TMCC1: variants seen among roughly 807,000 people sequenced by gnomAD.
TMCC1 encodes transmembrane and coiled-coil domain family 1.
TMCC1 carries 15 observed loss-of-function variants against 52.4 expected under a neutral mutation model. The ratio of observed to expected loss-of-function variants is 0.29; its 90% CI spans 0.19 to 0.44. TMCC1 has a LOEUF of 0.44. TMCC1 is among the 20% of genes least tolerant of loss of function. The pLI, the probability that TMCC1 is intolerant of heterozygous loss-of-function variation, is 1.00. For missense variants in TMCC1, 503 were observed against 806.0 expected (o/e 0.62, Z 4.55); for synonymous variants, 279 against 301.9 (o/e 0.92, Z 0.79).
intron 2 of TMCC1, among the ~76,000 whole-genome samples, chr3:129,866,092 C>T (rs1355490505): frequency 2.6e-5 from 4 of 151,858 alleles, no homozygotes; most frequent in Non-Finnish European, 5.9e-5. Flanking sequence ...AATACACCCA[C>T]TATTCTGGAT....
chr3:129,860,326 T>A (rs2060330735), intron 2 of TMCC1, among the ~76,000 whole-genome samples: 1 of 151,894 alleles, frequency 6.6e-6, no homozygotes, highest in Admixed American at 6.6e-5. Context: ...CACCTCAGCC[T>A]CCCAAAGTGC....
intron 5 of TMCC1, among the ~76,000 whole-genome samples, chr3:129,668,169 T>C (rs1378412172): frequency 6.6e-6 from 1 of 152,028 alleles, no homozygotes; most frequent in African/African-American, 2.4e-5. Flanking sequence ...GCATGGGCAA[T>C]AAAGTGAGAC....
chr3:129,768,065 T>C (rs952520329), intron 4 of TMCC1, among the ~76,000 whole-genome samples: 1 of 152,164 alleles, frequency 6.6e-6, no homozygotes, highest in Non-Finnish European at 1.5e-5. Context: ...GGTATGCATC[T>C]GTAGTCTCAG....
rs2046994484 is a variant in TMCC1 at position 129,691,015 on chromosome 3, C to T, written c.577-19751G>A. ...AAGTGGCAGTAGGACTTTAGTTTTGCTGATTTCCTTGTTCTCATTTGTTTC... is the reference window on the plus strand; with the variant it reads ...AAGTGGCAGTAGGACTTTAGTTTTGTTGATTTCCTTGTTCTCATTTGTTTC... On this transcript the variant is annotated intron_variant, in intron 4 of 6. Transcript: ENST00000393238. Among the ~76,000 whole-genome samples, 4 of 152,112 alleles carry T rather than the reference C, an allele frequency of 2.6e-5. No homozygotes were observed. The South Asian group carries it at 8.3e-4, about 32-fold the overall frequency.
chr3:129,684,482 T>C (rs2089257945), intron 4 of TMCC1, among the ~76,000 whole-genome samples: 1 of 152,142 alleles, frequency 6.6e-6, no homozygotes, highest in African/African-American at 2.4e-5. Flanking sequence ...TCTCCTGCAG[T>C]GTAGTCTCAA....
At chr3:129,765,894 G>A (rs1297570616) in intron 4 of TMCC1, among the ~76,000 whole-genome samples, 1 of 152,076 alleles carries the variant, frequency 6.6e-6, no homozygotes, top group African/African-American at 2.4e-5. Context: ...GTGGCGGAGG[G>A]AGGGAGGGAG....
At chr3:129,652,811 C>G (rs149119765) in intron 6 of TMCC1, among the ~76,000 whole-genome samples, 218 of 152,298 alleles carry the variant, frequency 1.4e-3, no homozygotes, top group Admixed American at 1.9e-3. Context: ...AGAGATGGCC[C>G]ACCTTTTTGG....
At chr3:129,707,460 T>C (rs1307625757) in intron 4 of TMCC1, among the ~76,000 whole-genome samples, 4 of 152,154 alleles carry the variant, frequency 2.6e-5, no homozygotes, top group Non-Finnish European at 5.9e-5. Flanking sequence ...AAGCAATAAA[T>C]GTGGAAGACC....
chr3:129,658,024 T>C, intron 5 of TMCC1, among the ~76,000 whole-genome samples: 1 of 152,254 alleles, frequency 6.6e-6, no homozygotes, highest in East Asian at 1.9e-4. Context: ...GTGTTCACTG[T>C]ACAACAATAT....
chr3:129,757,110 A>G (rs1224137853), intron 4 of TMCC1, among the ~76,000 whole-genome samples: 2 of 152,196 alleles, frequency 1.3e-5, no homozygotes, highest in East Asian at 3.8e-4. Flanking sequence ...ACTGCAGATC[A>G]TAATAAAACC....
chr3:129,689,013 A>G (rs1258590323), intron 4 of TMCC1, among the ~76,000 whole-genome samples: 1 of 152,228 alleles, frequency 6.6e-6, no homozygotes, highest in Non-Finnish European at 1.5e-5. Context: ...ATAAAGGCCC[A>G]GAAGACTGCC....
At chr3:129,833,794 A>AT (rs572031589) in intron 2 of TMCC1, among the ~76,000 whole-genome samples, 9 of 152,150 alleles carry the variant, frequency 5.9e-5, no homozygotes, top group East Asian at 1.9e-4. Flanking sequence ...TATTCATTAA[A>AT]TTTTTTTAAA....
intron 4 of TMCC1, among the ~76,000 whole-genome samples, chr3:129,706,820 C>T (rs186746798): frequency 1.0e-3 from 158 of 152,056 alleles, no homozygotes; most frequent in African/African-American, 3.4e-3. Flanking sequence ...TTTTTAGAGA[C>T]GAGGTCTTGC....
intron 2 of TMCC1, among the ~76,000 whole-genome samples, chr3:129,833,301 A>T (rs528851053): frequency 1.1e-4 from 16 of 152,302 alleles, no homozygotes; most frequent in Admixed American, 2.0e-4. Flanking sequence ...ATCTTAGGCC[A>T]GGCATGATGG....
At chr3:129,846,096 A>AC (rs2059653554) in intron 2 of TMCC1, among the ~76,000 whole-genome samples, 1 of 150,950 alleles carries the variant, frequency 6.6e-6, no homozygotes, top group Non-Finnish European at 1.5e-5. Flanking sequence ...TGTGGGGGCA[A>AC]AAAAAAAAGG....
intron 3 of TMCC1, among the ~76,000 whole-genome samples, chr3:129,831,136 G>C (rs545704349): frequency 1.9e-4 from 29 of 152,192 alleles, no homozygotes; most frequent in African/African-American, 6.7e-4. Context: ...GTTTCACCAT[G>C]TTGGCCAGGC....
intron 4 of TMCC1, chr3:129,688,431 A>G (rs770440811): frequency 3.0e-6 from 3 of 985,504 alleles, no homozygotes; most frequent in Non-Finnish European, 3.6e-6. Flanking sequence ...TTCCCCCACC[A>G]AAGAGCCGCA....
At chr3:129,683,266 T>G (rs1205978877) in intron 4 of TMCC1, among the ~76,000 whole-genome samples, 1 of 152,256 alleles carries the variant, frequency 6.6e-6, no homozygotes, top group Admixed American at 6.5e-5. Flanking sequence ...CCATTCTACC[T>G]TGTACACCAC....
At position 129,651,997 on chromosome 3, in the gene TMCC1, A is replaced by G. The variant is rs1327520307; in HGVS notation, c.1648-202T>C. On this transcript the variant is annotated intron_variant, in intron 6 of 6. Coordinates refer to ENST00000393238, the MANE Select transcript of TMCC1 (RefSeq NM_001017395.5). This position sits in a 1 kb window ranked among gnomAD's most constrained non-coding sequence, Gnocchi z 5.1. ...ATTCCCCCAAATTGCCCTCCACTGC[A>G]TTCCAGTGGGATGAGTCACAGGAAG... Among the ~76,000 whole-genome samples the G allele has an allele frequency of 6.6e-6, 1 of 152,272 alleles. No individual in the cohort carries two copies. Among genetic ancestry groups the G allele is most frequent in the Non-Finnish European group, 1.5e-5 (1 of 68,046 alleles).
Sources: gnomAD v4.1 joint callset for allele counts (sites outside exome capture counted in the v4.1 genomes callset) on GRCh38, gnomAD v4.1.1 for gene constraint, Gnocchi (gnomAD v3.1) non-coding constraint, MANE v1.5 for transcripts, NCBI Gene and HGNC (gene_info 2026-07-23, HGNC 2026-07-21) for gene names.